CAMSAP2: variants seen among roughly 807,000 people sequenced by gnomAD.
The protein encoded by CAMSAP2 is calmodulin regulated spectrin associated protein family member 2.
A neutral mutation model predicts 146.1 loss-of-function variants in CAMSAP2; 26 were observed. The ratio of observed to expected loss-of-function variants is 0.18; its 90% CI spans 0.13 to 0.25. CAMSAP2 has a LOEUF of 0.25. Among genes scored for constraint, CAMSAP2 ranks in the 10% least tolerant of loss-of-function variants. CAMSAP2 has a pLI of 1.00. For synonymous variants in CAMSAP2, 499 were observed against 596.6 expected, an observed-to-expected ratio of 0.84 and a Z score of 2.38; for missense variants, 1,381 against 1,759.3, an observed-to-expected ratio of 0.78 and a Z score of 3.85.
rs1316434494 is a variant in CAMSAP2 at position 200,739,142 on chromosome 1, G to T, written c.-686G>T. Among the ~76,000 whole-genome samples the T allele has an allele frequency of 6.6e-6, 1 of 152,068 alleles. No homozygotes were observed. Among genetic ancestry groups the T allele is most frequent in the African/African-American group, 2.4e-5 (1 of 41,408 alleles). On this transcript the variant is annotated 5_prime_UTR_variant, in exon 1 of 17. Coordinates refer to ENST00000358823, the MANE Select transcript of CAMSAP2 (RefSeq NM_203459.4). The surrounding 1 kb of genome is among the most constrained non-coding windows in gnomAD (Gnocchi z 4.8). ...GACGGCGGCAGGGGAAGGAGGAGAC[G>T]GCGACGGGAGGGAGCACAGAGGAGG... is the stretch of plus-strand genomic sequence containing the variant.
In CAMSAP2 at chr1:200,858,861, AC is replaced by A. The variant is rs1474948291; in HGVS notation, c.*803del. The A allele has an allele frequency of 6.6e-6, 1 of 152,554 alleles. No homozygotes were observed. Among genetic ancestry groups the A allele is most frequent in the African/African-American group, 2.4e-5 (1 of 41,446 alleles). 9.5% of individuals were successfully genotyped at this position (152,554 alleles called of 1,614,324 possible). A position where few individuals can be genotyped will look rare whatever the true frequency, so the allele number is the denominator to read the frequency against. On this transcript the variant is annotated 3_prime_UTR_variant, in exon 17 of 17. Coordinates refer to ENST00000358823, the MANE Select transcript of CAMSAP2 (RefSeq NM_203459.4). The stretch of plus-strand genomic sequence containing the variant: ...CAGAATAATTTAGATTGTTCTTTTA[AC>A]AAAAAAGGCTTTCTATCTCTTTTAA...
At chr1:200,742,517 GA>G (rs960969745) in intron 1 of CAMSAP2, among the ~76,000 whole-genome samples, 1 of 152,052 alleles carries the variant, frequency 6.6e-6, no homozygotes, top group African/African-American at 2.4e-5. Context: ...GGAGTGAATA[GA>G]AAAAAATTAG....
At chr1:200,767,803 G>A (rs1348846044) in intron 2 of CAMSAP2, among the ~76,000 whole-genome samples, 1 of 152,144 alleles carries the variant, frequency 6.6e-6, no homozygotes. Context: ...TCAATTTTCT[G>A]TTTACTACTC....
At chr1:200,755,400 A>G (rs1344906591) in intron 1 of CAMSAP2, among the ~76,000 whole-genome samples, 2 of 152,028 alleles carry the variant, frequency 1.3e-5, no homozygotes, top group South Asian at 2.1e-4. Context: ...TCCTTTTTCC[A>G]TATTTGTAAC....
chr1:200,770,906 A>G (rs531343361), intron 2 of CAMSAP2, among the ~76,000 whole-genome samples: 69 of 152,328 alleles, frequency 4.5e-4, no homozygotes, highest in Non-Finnish European at 7.2e-4. Context: ...GAAAAAATGC[A>G]TAGATCATGA....
At position 200,739,993 on chromosome 1, in the gene CAMSAP2, C is replaced by T. The variant is rs761393485; in HGVS notation, c.139+27C>T. On this transcript the variant is annotated intron_variant, in intron 1 of 16. Coordinates refer to ENST00000358823, the MANE Select transcript of CAMSAP2 (RefSeq NM_203459.4). The surrounding 1 kb of genome is among the most constrained non-coding windows in gnomAD (Gnocchi z 4.8). ...TTAGTGGTGTCACCCTTTCCCTCCCCTCTTCCTCCTGATGTGGTCCACATC... is the reference window on the plus strand; with the variant it reads ...TTAGTGGTGTCACCCTTTCCCTCCCTTCTTCCTCCTGATGTGGTCCACATC... 33 of 1,611,770 alleles carry T rather than the reference C, an allele frequency of 2.0e-5. 2 individuals are homozygous for T. The Admixed American group carries it at 3.8e-4, about 19-fold the overall frequency.
intron 4 of CAMSAP2, among the ~76,000 whole-genome samples, chr1:200,816,605 A>AAAAATAT (rs1364421397): frequency 3.1e-4 from 35 of 111,226 alleles, no homozygotes; most frequent in African/African-American, 1.2e-3. Context: ...AAAAAAAAAA[A>AAAAATAT]ATATATATAT....
intron 4 of CAMSAP2, among the ~76,000 whole-genome samples, chr1:200,817,647 TA>T (rs1666640677): frequency 2.0e-5 from 3 of 152,152 alleles, no homozygotes; most frequent in South Asian, 4.1e-4. Flanking sequence ...GATCTCTCCA[TA>T]AAAAGAGAAA....
intron 3 of CAMSAP2, 133 bp downstream of exon 3, chr1:200,807,670 A>G: frequency 3.9e-6 from 2 of 509,532 alleles, no homozygotes. Context: ...ATACACTTAA[A>G]TTTTTTAGTA....
At chr1:200,783,719 G>C (rs2103024447) in intron 2 of CAMSAP2, among the ~76,000 whole-genome samples, 1 of 152,076 alleles carries the variant, frequency 6.6e-6, no homozygotes, top group East Asian at 1.9e-4. Flanking sequence ...GAACTCCTGG[G>C]CTCAAGTAGT....
chr1:200,776,436 A>G (rs2103017684), intron 2 of CAMSAP2, among the ~76,000 whole-genome samples: 1 of 152,280 alleles, frequency 6.6e-6, no homozygotes, highest in African/African-American at 2.4e-5. Context: ...TTATTTTCCT[A>G]CGACAACCAA....
intron 2 of CAMSAP2, among the ~76,000 whole-genome samples, chr1:200,799,191 T>G (rs1665968148): frequency 6.6e-6 from 1 of 152,134 alleles, no homozygotes; most frequent in South Asian, 2.1e-4. Context: ...ATAAAAAGAG[T>G]TATGGAGAAG....
At chr1:200,807,263 C>T (rs1291385600) in intron 2 of CAMSAP2, 113 bp from the exon 3 acceptor site, 2 of 749,644 alleles carry the variant, frequency 2.7e-6, no homozygotes, top group Middle Eastern at 3.8e-4. Flanking sequence ...TAAGGCTGGT[C>T]TTCTGTAGTT....
intron 3 of CAMSAP2, among the ~76,000 whole-genome samples, chr1:200,810,782 G>T (rs1303245018): frequency 3.9e-5 from 6 of 152,022 alleles, no homozygotes; most frequent in Non-Finnish European, 1.5e-5. Flanking sequence ...CCAGCTACTT[G>T]GGAGGCTGAG....
intron 2 of CAMSAP2, among the ~76,000 whole-genome samples, chr1:200,768,806 A>C (rs1051089520): frequency 6.6e-6 from 1 of 152,100 alleles, no homozygotes; most frequent in Non-Finnish European, 1.5e-5. Context: ...GGCGTGTGCC[A>C]CCACGCCTGG....
intron 2 of CAMSAP2, among the ~76,000 whole-genome samples, chr1:200,761,722 C>G (rs1351423322): frequency 7.7e-6 from 1 of 129,850 alleles, no homozygotes. Context: ...GCAACAAGAG[C>G]AAAACTCTGT....
Position 200,848,458 on chromosome 1 carries a change from A to G in CAMSAP2, c.1689A>G (p.Gln563=), listed in dbSNP as rs1434775435. The stretch of plus-strand genomic sequence containing the variant: ...CTCCTCATACACCTCAGCCAGACCA[A>G]ATTGCTAATGGCTTCTTTCTTCATA... ...EKSPHTPQPD[Q]IANGFFLHSQ... The change falls in exon 11 of 17, where the codon CAA becomes CAG. Residue 563 remains glutamine (Q), a synonymous_variant. Transcript: ENST00000358823. The G allele has an allele frequency of 4.3e-6, 7 of 1,613,288 alleles. No individual in the cohort carries two copies. The African/African-American group carries it at 6.7e-5, about 15-fold the overall frequency.
chr1:200,799,972 G>T (rs1236098849), intron 2 of CAMSAP2, among the ~76,000 whole-genome samples: 1 of 152,172 alleles, frequency 6.6e-6, no homozygotes, highest in Non-Finnish European at 1.5e-5. Context: ...ATGTAGTTTA[G>T]CGGTTTTGAG....
intron 3 of CAMSAP2, among the ~76,000 whole-genome samples, chr1:200,809,464 T>G (rs6671018): frequency 2.8e-3 from 427 of 152,304 alleles, no homozygotes; most frequent in African/African-American, 9.5e-3. Context: ...TGAGCCGGGC[T>G]CAGTGGCTCA....
Sources: allele counts gnomAD v4.1 joint callset (sites outside exome capture counted in the v4.1 genomes callset), GRCh38; gene constraint gnomAD v4.1.1; non-coding constraint Gnocchi (gnomAD v3.1); transcripts MANE v1.5; gene names NCBI Gene and HGNC (gene_info 2026-07-23, HGNC 2026-07-21).